The following ABCA13 variants were observed in gnomAD, a reference collection of about 807,000 sequenced individuals.
ABCA13 encodes ATP binding cassette subfamily A member 13.
In ABCA13, 476 loss-of-function variants were observed where a neutral mutation model predicts 478.7. The ratio of observed to expected loss-of-function variants is 0.99; its 90% CI spans 0.92 to 1.07. The LOEUF (loss-of-function observed/expected upper bound fraction) is 1.07. Among genes scored for constraint, ABCA13 ranks in the 50% least tolerant of loss-of-function variants. The pLI, the probability that ABCA13 is intolerant of heterozygous loss-of-function variation, is 0.00. For missense variants in ABCA13, 6,060 were observed against 5,910.6 expected (o/e 1.03, Z -0.83); for synonymous variants, 2,252 against 2,158.9 (o/e 1.04, Z -1.20).
At chr7:48,462,656 G>A (rs904042842) in intron 43 of ABCA13, among the ~76,000 whole-genome samples, 1 of 151,948 alleles carries the variant, frequency 6.6e-6, no homozygotes, top group Non-Finnish European at 1.5e-5. Context: ...TTACAAGCAT[G>A]CAGCACCACA....
chr7:48,380,810 G>A (rs1814233234), intron 35 of ABCA13, among the ~76,000 whole-genome samples: 1 of 152,104 alleles, frequency 6.6e-6, no homozygotes, highest in East Asian at 1.9e-4. Flanking sequence ...CCATAGTAAA[G>A]GACTCACCTG....
chr7:48,457,660 A>T (rs1272784011), intron 43 of ABCA13, among the ~76,000 whole-genome samples: 1 of 152,238 alleles, frequency 6.6e-6, no homozygotes, highest in African/African-American at 2.4e-5. Context: ...ATGTTACTTA[A>T]CTTATGAAAC....
chr7:48,232,067 A>C (rs913141724), intron 7 of ABCA13, among the ~76,000 whole-genome samples: 1 of 147,650 alleles, frequency 6.8e-6, no homozygotes, highest in Non-Finnish European at 1.5e-5. Context: ...CTATGGCCCC[A>C]AATTCCACCT....
At chr7:48,511,282 C>T (rs1465648560) in intron 51 of ABCA13, 83 bp downstream of exon 51, 14 of 1,099,176 alleles carry the variant, frequency 1.3e-5, no homozygotes, top group East Asian at 7.4e-5. Context: ...AACCTGCTGT[C>T]GACTTCATGA....
chr7:48,622,873 A>G (rs747854595), intron 59 of ABCA13, among the ~76,000 whole-genome samples: 2 of 152,174 alleles, frequency 1.3e-5, no homozygotes, highest in Non-Finnish European at 2.9e-5. Flanking sequence ...AGGTTGAGTG[A>G]CTTTTCCAGG....
intron 2 of ABCA13, among the ~76,000 whole-genome samples, chr7:48,193,323 G>A (rs1797354609): frequency 6.6e-6 from 1 of 152,090 alleles, no homozygotes; most frequent in Non-Finnish European, 1.5e-5. Flanking sequence ...TAAGTAAATA[G>A]CCATTATAAA....
At chr7:48,340,358 G>A (rs369808551) in intron 29 of ABCA13, among the ~76,000 whole-genome samples, 213 of 152,114 alleles carry the variant, frequency 1.4e-3, no homozygotes, top group African/African-American at 4.5e-3. Context: ...CTCCTGCCTC[G>A]GCCTCCCAAA....
In ABCA13 at chr7:48,193,066, T is replaced by C; in HGVS notation, c.163+14T>C. 4 of 1,501,856 alleles carry C rather than the reference T, an allele frequency of 2.7e-6. No homozygotes were observed. Among genetic ancestry groups the C allele is most frequent in the Non-Finnish European group, 3.6e-6 (4 of 1,126,194 alleles). The allele number at this position is 1,501,856 out of a possible 1,614,324, so 93.0% of individuals were successfully genotyped here. A position where few individuals can be genotyped will look rare whatever the true frequency, so the allele number is the denominator to read the frequency against. The stretch of plus-strand genomic sequence containing the variant: ...ACAGAGACATTTGTAAGTTTCACTT[T>C]TTAATATACTTTTTGAATTAACCTT... On this transcript the variant is annotated intron_variant, in intron 2 of 61. Coordinates refer to ENST00000435803, the MANE Select transcript of ABCA13 (RefSeq NM_152701.5).
At chr7:48,365,847 A>G (rs535832182) in intron 31 of ABCA13, among the ~76,000 whole-genome samples, 1 of 152,342 alleles carries the variant, frequency 6.6e-6, no homozygotes, top group East Asian at 1.9e-4. Flanking sequence ...TGATGTGAGA[A>G]GTTAAAGAGG....
intron 23 of ABCA13, among the ~76,000 whole-genome samples, chr7:48,308,568 A>C (rs1801258907): frequency 6.6e-6 from 1 of 152,282 alleles, no homozygotes; most frequent in African/African-American, 2.4e-5. Flanking sequence ...CTACAACACT[A>C]CAATGGCTGA....
intron 39 of ABCA13, chr7:48,404,251 C>G: frequency 3.7e-6 from 1 of 272,242 alleles, no homozygotes; most frequent in Admixed American, 4.7e-5. Flanking sequence ...CTCAGAGAGA[C>G]GGGCATGTGA....
rs773139209 is a variant in ABCA13, at chr7:48,274,964, T to C, written c.5298T>C (p.Thr1766=). ...AGGGAGTACCTGGTAAAAACATCACTGAAGGCCTCAAGGATGTCTACAGCT... is the reference window on the plus strand; with the variant it reads ...AGGGAGTACCTGGTAAAAACATCACCGAAGGCCTCAAGGATGTCTACAGCT... ...LLQGVPGKNI[T]EGLKDVYSFT... The change falls in exon 17 of 62, where the codon ACT becomes ACC. Residue 1766 remains threonine, a synonymous_variant. Transcript: ENST00000435803. 13 of 1,613,744 alleles carry C rather than the reference T, an allele frequency of 8.1e-6. No homozygotes were observed. Among genetic ancestry groups the C allele is most frequent in the Non-Finnish European group, 1.1e-5 (13 of 1,179,780 alleles).
rs775221641 is a variant in ABCA13, at chr7:48,280,224, CA to C, written c.8726+306del. On this transcript the variant is annotated intron_variant, in intron 18 of 61. Coordinates refer to ENST00000435803, the MANE Select transcript of ABCA13 (RefSeq NM_152701.5). ...CTCATCCCAAGACTAGTTGCATAAA[CA>C]ATTTTTCTGTTCATATCCTCTGGCA... 1.1e-3 allele frequency among the ~76,000 whole-genome samples: 171 copies of C among 152,322 alleles called. 2 individuals are homozygous for C. Among genetic ancestry groups the C allele is most frequent in the Non-Finnish European group, 1.6e-3 (106 of 68,020 alleles).
intron 58 of ABCA13, among the ~76,000 whole-genome samples, chr7:48,607,478 G>C (rs1791591851): frequency 6.6e-6 from 1 of 152,168 alleles, no homozygotes; most frequent in East Asian, 1.9e-4. Context: ...GACTGGAGCT[G>C]TTCCTATTCG....
At chr7:48,557,867 A>G (rs11771470) in intron 55 of ABCA13, among the ~76,000 whole-genome samples, 24,954 of 152,112 alleles carry the variant, frequency 0.16, 2,270 homozygotes, top group East Asian at 0.3. Context: ...CTCTGATATT[A>G]TCCCTTTGAA....
intron 4 of ABCA13, 80 bp from the exon 5 acceptor site, chr7:48,221,201 T>G: frequency 1.4e-6 from 1 of 728,418 alleles, no homozygotes; most frequent in Non-Finnish European, 2.3e-6. Context: ...CCATTTGACT[T>G]TAGAATTAAA....
At chr7:48,590,077 T>TCTC (rs1789566829) in intron 57 of ABCA13, among the ~76,000 whole-genome samples, 1 of 152,096 alleles carries the variant, frequency 6.6e-6, no homozygotes, top group African/African-American at 2.4e-5. Context: ...TTGACAAGTA[T>TCTC]CTCCCCATTT....
intron 58 of ABCA13, among the ~76,000 whole-genome samples, chr7:48,601,749 T>G (rs1250073272): frequency 6.6e-6 from 1 of 152,150 alleles, no homozygotes; most frequent in Non-Finnish European, 1.5e-5. Context: ...GTAATGGGAT[T>G]GCTGGGTCAA....
In ABCA13 at chr7:48,278,914, G is replaced by T; in HGVS notation, c.7720G>T (p.Ala2574Ser). 6.2e-7 allele frequency: 1 copy of T among 1,613,174 alleles called. No homozygotes were observed. Among genetic ancestry groups the T allele is most frequent in the South Asian group, 1.1e-5 (1 of 91,062 alleles). The change falls in exon 18 of 62, where the codon GCT becomes TCT. Residue 2574 changes from alanine to serine, a missense_variant. Physicochemically the swap from Ala to Ser is moderately conservative, Grantham distance 99. Transcript: ENST00000435803. ...TGTTCAAAATCTTGTGAAAGAAATA[G>T]CTACTTTAAAAAAAATAGATCATTT... is the stretch of plus-strand genomic sequence containing the variant. ...QSVQNLVKEIATLKKIDHFTF... is the reference protein window; with the variant it reads ...QSVQNLVKEISTLKKIDHFTF...
Sources: allele counts gnomAD v4.1 joint callset (sites outside exome capture counted in the v4.1 genomes callset), GRCh38; gene constraint gnomAD v4.1.1; transcripts MANE v1.5; gene names NCBI Gene and HGNC (gene_info 2026-07-23, HGNC 2026-07-21).